Variants in ATP8B1 observed in about 807,000 individuals in gnomAD.
ATP8B1 encodes phospholipid-transporting ATPase IC.
ATP8B1 carries 80 observed loss-of-function variants against 149.9 expected under a neutral mutation model. The ratio of observed to expected loss-of-function variants is 0.53; its 90% CI spans 0.45 to 0.64. The LOEUF is 0.64. ATP8B1 is among the 30% of genes least tolerant of loss of function. The pLI, the probability that ATP8B1 is intolerant of heterozygous loss-of-function variation, is 0.00. For missense variants in ATP8B1, 1,247 were observed against 1,552.6 expected (o/e 0.80, Z 3.31); for synonymous variants, 536 against 562.8 (o/e 0.95, Z 0.67).
At chr18:57,679,870 G>A (rs1031285125) in intron 15 of ATP8B1, among the ~76,000 whole-genome samples, 8 of 151,906 alleles carry the variant, frequency 5.3e-5, no homozygotes, top group Non-Finnish European at 7.4e-5. Context: ...TCACAATATT[G>A]GTCAGGCTGG....
At chr18:57,764,182 C>T (rs73959348) in intron 1 of ATP8B1, among the ~76,000 whole-genome samples, 3,872 of 152,284 alleles carry the variant, frequency 0.025, 170 homozygotes, top group African/African-American at 0.088. Context: ...GAACGAACGA[C>T]GGACATGATG....
chr18:57,661,458 T>G lies in ATP8B1; in HGVS notation c.2423A>C (p.Glu808Ala), dbSNP rs1457390454. The change falls in exon 22 of 28, where the codon GAA (glutamate) becomes GCA (alanine). Residue 808 changes from glutamate to alanine, a missense_variant. Glu to Ala is a moderately radical substitution (Grantham distance 107). Around this residue, in one of 3 missense-constraint regions of ATP8B1, gnomAD observed 853 missense variants for 1,035.7 expected, o/e 0.82. Coordinates refer to ENST00000648908, the MANE Select transcript of ATP8B1 (RefSeq NM_001374385.1). Reference sequence around the variant, plus strand: ...CTTGGTCTTTTTCTCGAGAAGAATTTCATTCTGTGAAATCAGAGAGGGAAA... The same window carrying G: ...CTTGGTCTTTTTCTCGAGAAGAATTGCATTCTGTGAAATCAGAGAGGGAAA... Reference protein sequence around the residue: ...ALIITGSWLNEILLEKKTKRN... With the variant: ...ALIITGSWLNAILLEKKTKRN... The G allele has an allele frequency of 6.2e-7, 1 of 1,613,464 alleles. No individual in the cohort carries two copies. Among genetic ancestry groups the G allele is most frequent in the Non-Finnish European group, 8.5e-7 (1 of 1,179,668 alleles).
At chr18:57,774,408 G>C (rs2080289087) in intron 1 of ATP8B1, among the ~76,000 whole-genome samples, 1 of 152,218 alleles carries the variant, frequency 6.6e-6, no homozygotes, top group African/African-American at 2.4e-5. Flanking sequence ...GACCAGCCTG[G>C]CCAACATGGC....
intron 2 of ATP8B1, among the ~76,000 whole-genome samples, chr18:57,721,385 T>C (rs1228904155): frequency 6.9e-6 from 1 of 145,450 alleles, no homozygotes; most frequent in East Asian, 2.1e-4. Flanking sequence ...AGGCTCAAAA[T>C]AAAAGGATGG....
chr18:57,754,445 A>AT (rs1568055294), intron 1 of ATP8B1, among the ~76,000 whole-genome samples: 3,695 of 136,008 alleles, frequency 0.027, 135 homozygotes, highest in African/African-American at 0.1. Flanking sequence ...CTAACAAAAA[A>AT]ATATATATAT....
chr18:57,775,457 G>C (rs1286481502), intron 1 of ATP8B1, among the ~76,000 whole-genome samples: 1 of 151,516 alleles, frequency 6.6e-6, no homozygotes, highest in Non-Finnish European at 1.5e-5. Context: ...GAGGGAGGAA[G>C]GGAGAAGGGA....
intron 1 of ATP8B1, among the ~76,000 whole-genome samples, chr18:57,761,066 T>G (rs1309322622): frequency 7.8e-6 from 1 of 129,024 alleles, no homozygotes; most frequent in Non-Finnish European, 1.6e-5. Flanking sequence ...TAAAATAACA[T>G]AAAATAAAAT....
chr18:57,692,078 C>T, intron 11 of ATP8B1, 81 bp from the exon 12 acceptor site: 1 of 1,544,464 alleles, frequency 6.5e-7, no homozygotes, highest in Non-Finnish European at 8.7e-7. Context: ...ATTAACCTTA[C>T]TCAATACTTC....
rs17686300 is a variant in ATP8B1 at position 57,701,515 on chromosome 18, G to A, written c.394-202C>T. Reference sequence around the variant, plus strand: ...GGTTCTCTCTAGCTTCTGGATACCTGGAACAGAGCCTAGAGGGCAGTGGCT... The same window carrying A: ...GGTTCTCTCTAGCTTCTGGATACCTAGAACAGAGCCTAGAGGGCAGTGGCT... On this transcript the variant is annotated intron_variant, in intron 4 of 27. Coordinates refer to ENST00000648908, the MANE Select transcript of ATP8B1 (RefSeq NM_001374385.1). Among the ~76,000 whole-genome samples the A allele has an allele frequency of 0.21, 32,018 of 152,016 alleles. 3,784 individuals carry two copies. Among genetic ancestry groups the A allele is most frequent in the South Asian group, 0.38 (1,805 of 4,802 alleles).
At chr18:57,653,380 G>A (rs1024718165) in intron 24 of ATP8B1, among the ~76,000 whole-genome samples, 1 of 150,138 alleles carries the variant, frequency 6.7e-6, no homozygotes, top group Non-Finnish European at 1.5e-5. Context: ...AACCTTCCAG[G>A]CTCAAGCGAT....
intron 23 of ATP8B1, among the ~76,000 whole-genome samples, chr18:57,654,921 A>T (rs1320539959): frequency 6.6e-6 from 1 of 151,752 alleles, no homozygotes; most frequent in Non-Finnish European, 1.5e-5. Context: ...TCCCGACTTC[A>T]GGCGATCCAC....
chr18:57,684,968 G>A (rs1912158940), intron 14 of ATP8B1, 104 bp downstream of exon 14: 2 of 1,418,528 alleles, frequency 1.4e-6, no homozygotes, highest in Non-Finnish European at 1.0e-6. Flanking sequence ...GAGCAGGGAA[G>A]AGGCAACGAA....
At chr18:57,764,757 C>CAAAAAAAA (rs71171091) in intron 1 of ATP8B1, among the ~76,000 whole-genome samples, 1 of 104,170 alleles carries the variant, frequency 9.6e-6, no homozygotes, top group Non-Finnish European at 2.0e-5. Context: ...TTTCAGTTGT[C>CAAAAAAAA]AAAAAAAAAA....
intron 1 of ATP8B1, among the ~76,000 whole-genome samples, chr18:57,779,347 GAGA>G (rs984052867): frequency 1.2e-3 from 184 of 151,896 alleles, no homozygotes; most frequent in African/African-American, 4.3e-3. Flanking sequence ...GAAGGAGAAG[GAGA>G]AGAAGAAAGA....
chr18:57,666,761 C>T (rs1387974539), intron 20 of ATP8B1, among the ~76,000 whole-genome samples: 3 of 152,072 alleles, frequency 2.0e-5, no homozygotes, highest in African/African-American at 7.2e-5. Flanking sequence ...CTCTAGAACT[C>T]CTGACTTCAG....
In ATP8B1 at chr18:57,706,556, G is replaced by C; in HGVS notation, c.213C>G (p.Arg71=). ...TAAAGTGAGGTTGTTCGTGGTACTTGCGATCGTTTGCTTTGACTTGCCATG... is the reference window on the plus strand; with the variant it reads ...TAAAGTGAGGTTGTTCGTGGTACTTCCGATCGTTTGCTTTGACTTGCCATG... ...ECTWQVKAND[R]KYHEQPHFMN... Residue 71 remains arginine, a synonymous_variant, in exon 3 of 28, where the codon CGC becomes CGG. Transcript: ENST00000648908. 1 of 1,614,052 alleles carries C rather than the reference G, an allele frequency of 6.2e-7. No homozygotes were observed. Among genetic ancestry groups the C allele is most frequent in the Non-Finnish European group, 8.5e-7 (1 of 1,179,984 alleles).
intron 1 of ATP8B1, among the ~76,000 whole-genome samples, chr18:57,761,305 A>T (rs149790162): frequency 6.6e-6 from 1 of 152,114 alleles, no homozygotes. Context: ...ATTCAAATGC[A>T]GTGGCCTCTC....
At chr18:57,708,267 G>T (rs955089143) in intron 2 of ATP8B1, among the ~76,000 whole-genome samples, 1 of 150,666 alleles carries the variant, frequency 6.6e-6, no homozygotes, top group Non-Finnish European at 1.5e-5. Context: ...CATTTTTCTC[G>T]CATCATTTTG....
chr18:57,690,559 A>C (rs1200289262), intron 12 of ATP8B1, among the ~76,000 whole-genome samples: 1 of 152,276 alleles, frequency 6.6e-6, no homozygotes, highest in Non-Finnish European at 1.5e-5. Context: ...TCTATGTAAT[A>C]GTTCCCTTGA....
Sources: allele counts gnomAD v4.1 joint callset (sites outside exome capture counted in the v4.1 genomes callset), GRCh38; gene constraint gnomAD v4.1.1; regional missense constraint gnomAD v4.1.1; transcripts MANE v1.5; gene names NCBI Gene and HGNC (gene_info 2026-07-23, HGNC 2026-07-21).